The following BICD1 variants were observed in gnomAD, a reference collection of about 807,000 sequenced individuals.
The protein encoded by BICD1 is BICD cargo adaptor 1.
A neutral mutation model predicts 92.5 loss-of-function variants in BICD1; 35 were observed. The ratio of observed to expected loss-of-function variants is 0.38; its 90% CI spans 0.29 to 0.50. BICD1 has a LOEUF of 0.50. Ranked by LOEUF, BICD1 falls within the 20% of genes least tolerant of loss-of-function variation. The pLI is 0.93. For missense variants in BICD1, 950 were observed against 1,189.8 expected, an observed-to-expected ratio of 0.80 and a Z score of 2.97; for synonymous variants, 429 against 465.1, an observed-to-expected ratio of 0.92 and a Z score of 1.00.
chr12:32,318,161 G>C (rs927610516), intron 4 of BICD1, among the ~76,000 whole-genome samples: 1 of 152,074 alleles, frequency 6.6e-6, no homozygotes, highest in African/African-American at 2.4e-5. Context: ...CTCCAGCTTT[G>C]TTCTTTTGGC....
chr12:32,352,696 C>G (rs998609852), intron 8 of BICD1: 3 of 151,904 alleles, frequency 2.0e-5, no homozygotes, highest in Non-Finnish European at 4.4e-5. Context: ...CAGTTTGGAT[C>G]AGAAGAACTG....
intron 2 of BICD1, among the ~76,000 whole-genome samples, chr12:32,244,237 C>A (rs1946313548): frequency 6.6e-6 from 1 of 152,170 alleles, no homozygotes; most frequent in East Asian, 1.9e-4. Context: ...ACGTTCCAAT[C>A]TAGTTTTTTG....
chr12:32,160,932 C>T (rs1943580995), intron 1 of BICD1, among the ~76,000 whole-genome samples: 1 of 152,126 alleles, frequency 6.6e-6, no homozygotes, highest in African/African-American at 2.4e-5. Context: ...TATGATATAA[C>T]CTTGTAAATA....
intron 2 of BICD1, among the ~76,000 whole-genome samples, chr12:32,239,854 C>T (rs112094988): frequency 0.052 from 7,825 of 151,858 alleles, 229 homozygotes; most frequent in Middle Eastern, 0.11. Context: ...GTGATCTGCC[C>T]GCCTCATCCT....
intron 2 of BICD1, among the ~76,000 whole-genome samples, chr12:32,287,309 C>A (rs118114168): frequency 0.026 from 3,912 of 152,030 alleles, 56 homozygotes; most frequent in Admixed American, 0.044. Flanking sequence ...TAAATTATAT[C>A]TCAGTTTTCA....
intron 1 of BICD1, among the ~76,000 whole-genome samples, chr12:32,163,967 A>C (rs888727537): frequency 6.6e-6 from 1 of 152,054 alleles, no homozygotes; most frequent in Non-Finnish European, 1.5e-5. Context: ...CAAATTTCAA[A>C]ATTTTTTTTT....
At chr12:32,215,953 C>CAAAAAA (rs56005523) in intron 1 of BICD1, among the ~76,000 whole-genome samples, 128 of 67,730 alleles carry the variant, frequency 1.9e-3, no homozygotes, top group Non-Finnish European at 2.1e-3. Flanking sequence ...GACTCCGTCT[C>CAAAAAA]AAAAAAAAAA....
In BICD1 at chr12:32,367,797, A is replaced by G. The variant is rs777003661; in HGVS notation, c.2840+52A>G. On this transcript the variant is annotated intron_variant, in intron 9 of 9. Coordinates refer to ENST00000652176, the MANE Select transcript of BICD1 (RefSeq NM_001714.4). ...ACCCAGCTGCATGTCAGATCCATAG[A>G]CCCCAGCTCCCCTTTCCGACACCTG... 13 of 1,520,250 alleles carry G rather than the reference A, an allele frequency of 8.6e-6. No individual in the cohort carries two copies. The South Asian group carries it at 1.3e-4, about 16-fold the overall frequency. 94.2% of individuals were successfully genotyped at this position (1,520,250 alleles called of 1,614,324 possible). A position where few individuals can be genotyped will look rare whatever the true frequency, so the allele number is the denominator to read the frequency against.
At chr12:32,214,930 A>G (rs749938870) in intron 1 of BICD1, among the ~76,000 whole-genome samples, 1 of 152,010 alleles carries the variant, frequency 6.6e-6, no homozygotes, top group Non-Finnish European at 1.5e-5. Context: ...TCTCAGAGTC[A>G]GAACTCTGTG....
intron 4 of BICD1, among the ~76,000 whole-genome samples, chr12:32,309,777 A>AT (rs200097575): frequency 2.4e-4 from 37 of 151,278 alleles, no homozygotes; most frequent in Non-Finnish European, 4.0e-4. Flanking sequence ...TTGTATTTTC[A>AT]TTTTTTTTTA....
At chr12:32,340,139 T>C (rs1199046958) in intron 8 of BICD1, 4 of 985,322 alleles carry the variant, frequency 4.1e-6, no homozygotes, top group Non-Finnish European at 4.8e-6. Context: ...CCTCAGCCTT[T>C]GGATCTCTAA....
At chr12:32,239,261 A>G (rs1237901348) in intron 2 of BICD1, among the ~76,000 whole-genome samples, 20 of 127,752 alleles carry the variant, frequency 1.6e-4, no homozygotes, top group Admixed American at 3.7e-4. Context: ...AAAAAAAAAA[A>G]AAAAGAAAAG....
At position 32,326,074 on chromosome 12, in the gene BICD1, C is replaced by A. The variant is rs529173710; in HGVS notation, c.1006-1387C>A. On this transcript the variant is annotated intron_variant, in intron 4 of 9. Coordinates refer to ENST00000652176, the MANE Select transcript of BICD1 (RefSeq NM_001714.4). ...CTCCAGCCTGGGAGAGAGTGAGACT[C>A]CATCTCAAAAAAAAAAAAAAAAAAA... Among the ~76,000 whole-genome samples, 95 of 115,936 alleles carry A rather than the reference C, an allele frequency of 8.2e-4. 2 individuals carry two copies. In the East Asian group the frequency reaches 0.017, roughly 21 times the overall value. The allele number at this position is 115,936 out of a possible 152,430, so 76.1% of individuals were successfully genotyped here.
At position 32,378,500 on chromosome 12, in the gene BICD1, C is replaced by T. The variant is rs754133499; in HGVS notation, c.*873C>T. The T allele has an allele frequency of 4.6e-5, 7 of 151,988 alleles. No homozygotes were observed. Among genetic ancestry groups the T allele is most frequent in the East Asian group, 1.9e-4 (1 of 5,190 alleles). The allele number at this position is 151,988 out of a possible 1,614,324, so 9.4% of individuals were successfully genotyped here. On this transcript the variant is annotated 3_prime_UTR_variant, in exon 10 of 10. Coordinates refer to ENST00000652176, the MANE Select transcript of BICD1 (RefSeq NM_001714.4). ...TTGTATGTGTGTATGTGTGTGATAA[C>T]GTTAAAGAAGGCTCAATAACTTGAA...
At chr12:32,257,247 CA>C (rs1380030078) in intron 2 of BICD1, among the ~76,000 whole-genome samples, 1 of 147,206 alleles carries the variant, frequency 6.8e-6, no homozygotes, top group East Asian at 2.1e-4. Context: ...CTTTTTAAAG[CA>C]TCACTAGGAT....
intron 2 of BICD1, among the ~76,000 whole-genome samples, chr12:32,224,353 T>C (rs1179294403): frequency 6.6e-6 from 1 of 152,262 alleles, no homozygotes; most frequent in African/African-American, 2.4e-5. Flanking sequence ...CTAACATTTA[T>C]TGAGCTCACC....
intron 1 of BICD1, among the ~76,000 whole-genome samples, chr12:32,114,265 C>G (rs774380904): frequency 6.6e-6 from 1 of 152,186 alleles, no homozygotes; most frequent in Non-Finnish European, 1.5e-5. Context: ...GCCTTGCCCT[C>G]GTAAAGTGTG....
intron 4 of BICD1, among the ~76,000 whole-genome samples, chr12:32,325,479 T>G (rs1324161185): frequency 6.6e-6 from 1 of 152,046 alleles, no homozygotes; most frequent in Non-Finnish European, 1.5e-5. Flanking sequence ...GTTTGAGGAG[T>G]AGCTGGTGTT....
intron 8 of BICD1, among the ~76,000 whole-genome samples, chr12:32,365,881 T>TA (rs1565699544): frequency 6.6e-6 from 1 of 152,150 alleles, no homozygotes; most frequent in Non-Finnish European, 1.5e-5. Flanking sequence ...AAAACGGAGT[T>TA]AAAAAAGGAA....
Sources: allele counts gnomAD v4.1 joint callset (sites outside exome capture counted in the v4.1 genomes callset), GRCh38; gene constraint gnomAD v4.1.1; transcripts MANE v1.5; gene names NCBI Gene and HGNC (gene_info 2026-07-23, HGNC 2026-07-21).